The following LRP8 variants were observed in gnomAD, a reference collection of about 807,000 sequenced individuals.
The protein encoded by LRP8 is LDL receptor related protein 8.
In LRP8, 46 loss-of-function variants were observed where a neutral mutation model predicts 111.6. The ratio of observed to expected loss-of-function variants is 0.41; its 90% CI spans 0.33 to 0.53. The LOEUF is 0.53. Ranked by LOEUF, LRP8 falls within the 20% of genes least tolerant of loss-of-function variation. The probability of loss-of-function intolerance (pLI) is 0.20; values close to 1 mark genes in which losing one functional copy is unlikely to be tolerated. For missense variants in LRP8, 959 were observed against 1,297.4 expected, an observed-to-expected ratio of 0.74 and a Z score of 4.01; for synonymous variants, 464 against 511.2, an observed-to-expected ratio of 0.91 and a Z score of 1.24.
chr1:53,258,150 G>C (rs1646173211), intron 14 of LRP8, 169 bp downstream of exon 14: 1 of 541,422 alleles, frequency 1.8e-6, no homozygotes. Flanking sequence ...GATCCTGGGG[G>C]CATGAGCATT....
chr1:53,266,100 C>G lies in LRP8; in HGVS notation c.1427+373G>C, dbSNP rs11206128. Among the ~76,000 whole-genome samples, 54,335 of 151,960 alleles carry G rather than the reference C, an allele frequency of 0.36. 10,604 individuals carry two copies. The highest frequency in any genetic ancestry group is 0.63 in the East Asian group (3,242 of 5,158). ...GTGAGTGGGATCCTCTGGGCAGGGA[C>G]CAGGTCTAAGTCCCCAGGTTCCAAC... On this transcript the variant is annotated intron_variant, in intron 9 of 18. Transcript: ENST00000306052. The surrounding 1 kb of genome is among the most constrained non-coding windows in gnomAD (Gnocchi z 5.0).
rs1309572083 is a variant in LRP8 at position 53,327,997 on chromosome 1, C to T, written c.-85G>A. On this transcript the variant is annotated 5_prime_UTR_variant, in exon 1 of 19. Transcript: ENST00000306052. ...TCAGCCCTCCGAGTCCTTGCCGCGG[C>T]GCCGGGGTTGCCGCTGCCCCCGCCG... 1.9e-5 allele frequency: 17 copies of T among 882,148 alleles called. No homozygotes were observed. In the East Asian group the frequency reaches 1.2e-3, roughly 61 times the overall value. 54.6% of individuals were successfully genotyped at this position (882,148 alleles called of 1,614,324 possible). A position where few individuals can be genotyped will look rare whatever the true frequency, so the allele number is the denominator to read the frequency against.
intron 9 of LRP8, among the ~76,000 whole-genome samples, 191 bp from the exon 10 acceptor site, chr1:53,264,587 C>T (rs72895333): frequency 6.6e-6 from 1 of 152,178 alleles, no homozygotes; most frequent in Non-Finnish European, 1.5e-5. Context: ...GGGCCACGGT[C>T]TCTGGCTTTC....
chr1:53,247,758 T>A (rs970838024), intron 18 of LRP8, among the ~76,000 whole-genome samples: 1 of 152,254 alleles, frequency 6.6e-6, no homozygotes, highest in African/African-American at 2.4e-5. Flanking sequence ...CCTGATTCCA[T>A]CTCAGACTCA....
At chr1:53,251,863 G>A (rs1174812097) in intron 16 of LRP8, among the ~76,000 whole-genome samples, 1 of 151,640 alleles carries the variant, frequency 6.6e-6, no homozygotes, top group East Asian at 1.9e-4. Context: ...GGCCAACATG[G>A]CGAAAACCCA....
rs1322446071 is a variant in LRP8, at chr1:53,257,440, G to A, written c.2234C>T (p.Thr745Met). The change falls in exon 15 of 19, where the codon ACG becomes ATG. Residue 745 changes from threonine (T) to methionine (M), a missense_variant. By Grantham distance (81) the Thr-to-Met change is moderately conservative. Transcript: ENST00000306052. The part of the protein sequence containing the change: ...YRAPQSTSTT[T>M]LASTMTRTVP... ...TGTCCTCGTCATGGTAGAAGCTAAC[G>A]TCGTAGTTGAGGTAGATTGAGGTGC... The A allele has an allele frequency of 5.0e-6, 8 of 1,614,160 alleles. No individual in the cohort carries two copies. Among genetic ancestry groups the A allele is most frequent in the Admixed American group, 3.3e-5 (2 of 60,034 alleles).
intron 16 of LRP8, among the ~76,000 whole-genome samples, chr1:53,251,814 C>T (rs569568622): frequency 1.3e-4 from 19 of 151,978 alleles, no homozygotes; most frequent in Admixed American, 1.2e-3. Context: ...GAGGCTGAGG[C>T]AGGCAGATTA....
chr1:53,312,057 A>T (rs1046674878), intron 2 of LRP8, among the ~76,000 whole-genome samples: 1 of 152,336 alleles, frequency 6.6e-6, no homozygotes, highest in African/African-American at 2.4e-5. Context: ...AGTGAGGCCA[A>T]CATGGGACAC....
chr1:53,266,347 T>C lies in LRP8; in HGVS notation c.1427+126A>G. ...GTTCCATATCCACTGTGATCCTGCA[T>C]CTCTTCCCAAGTCCCAACTCTGTCC... On this transcript the variant is annotated intron_variant, in intron 9 of 18. Transcript: ENST00000306052. The surrounding 1 kb of genome is among the most constrained non-coding windows in gnomAD (Gnocchi z 5.0). 1 of 954,280 alleles carries C rather than the reference T, an allele frequency of 1.0e-6. No individual in the cohort carries two copies. Among genetic ancestry groups the C allele is most frequent in the Non-Finnish European group, 1.6e-6 (1 of 632,526 alleles). The allele number at this position is 954,280 out of a possible 1,614,324, so 59.1% of individuals were successfully genotyped here. A position where few individuals can be genotyped will look rare whatever the true frequency, so the allele number is the denominator to read the frequency against.
Position 53,250,609 on chromosome 1 carries a change from G to A in LRP8, c.2676+81C>T. On this transcript the variant is annotated intron_variant, in intron 17 of 18. Transcript: ENST00000306052. The surrounding 1 kb of genome is among the most constrained non-coding windows in gnomAD (Gnocchi z 4.6). ...GAAGGGAGGGAAGAAAGGATGGGAA[G>A]GAAGAAAGGATGGGAGGGGAAGAAA... 1 of 1,264,366 alleles carries A rather than the reference G, an allele frequency of 7.9e-7. No homozygotes were observed. Among genetic ancestry groups the A allele is most frequent in the Non-Finnish European group, 1.1e-6 (1 of 887,724 alleles). 78.3% of individuals were successfully genotyped at this position (1,264,366 alleles called of 1,614,324 possible).
chr1:53,263,910 A>C (rs1234050624), intron 10 of LRP8, among the ~76,000 whole-genome samples: 1 of 152,184 alleles, frequency 6.6e-6, no homozygotes, highest in African/African-American at 2.4e-5. Flanking sequence ...AGGAGCTTCT[A>C]TCAGGCCATC....
chr1:53,297,656 G>T (rs1329360872), intron 2 of LRP8, among the ~76,000 whole-genome samples: 1 of 152,222 alleles, frequency 6.6e-6, no homozygotes, highest in African/African-American at 2.4e-5. Flanking sequence ...TCGGAATGAA[G>T]AGGCTGCAGC....
chr1:53,323,574 G>A (rs754889906), intron 2 of LRP8, among the ~76,000 whole-genome samples: 1 of 152,260 alleles, frequency 6.6e-6, no homozygotes, highest in Non-Finnish European at 1.5e-5. Flanking sequence ...CCTTGGGCCT[G>A]GCTCTCTAGC....
At chr1:53,307,037 C>T (rs928012684) in intron 2 of LRP8, among the ~76,000 whole-genome samples, 1 of 152,172 alleles carries the variant, frequency 6.6e-6, no homozygotes, top group African/African-American at 2.4e-5. Flanking sequence ...AGGAAGAACA[C>T]AGGATGTGCA....
intron 9 of LRP8, among the ~76,000 whole-genome samples, chr1:53,265,988 G>T (rs1216918817): frequency 6.6e-6 from 1 of 152,220 alleles, no homozygotes; most frequent in Non-Finnish European, 1.5e-5. Context: ...TGCCATCCAG[G>T]AAGGCATGCC....
At position 53,262,214 on chromosome 1, in the gene LRP8, A is replaced by C; in HGVS notation, c.1775-7T>G. ...AAGCGCTGGCTCAGCAGATCTTGGG[A>C]AGGAAGCAGGATCAGGTCATGAACC... On this transcript the variant is annotated splice_polypyrimidine_tract_variant and splice_region_variant and intron_variant, in intron 11 of 18. Coordinates refer to ENST00000306052, the MANE Select transcript of LRP8 (RefSeq NM_004631.5). This position sits in a 1 kb window ranked among gnomAD's most constrained non-coding sequence, Gnocchi z 4.8. The C allele has an allele frequency of 6.2e-7, 1 of 1,612,976 alleles. No homozygotes were observed. Among genetic ancestry groups the C allele is most frequent in the Non-Finnish European group, 8.5e-7 (1 of 1,179,992 alleles).
At position 53,327,918 on chromosome 1, in the gene LRP8, G is replaced by T. The variant is rs1655400431; in HGVS notation, c.-6C>A. Reference sequence around the variant, plus strand: ...CCCGGCTCGGGGAGGCCCATGGCGGGCCCGGGGCTCCGGCCGCCGCGCCCC... The same window carrying T: ...CCCGGCTCGGGGAGGCCCATGGCGGTCCCGGGGCTCCGGCCGCCGCGCCCC... On this transcript the variant is annotated 5_prime_UTR_variant, in exon 1 of 19. Transcript: ENST00000306052. 9.7e-6 allele frequency: 12 copies of T among 1,242,408 alleles called. No homozygotes were observed. The highest frequency in any genetic ancestry group is 1.2e-5 in the Non-Finnish European group (12 of 995,030). 77.0% of individuals were successfully genotyped at this position (1,242,408 alleles called of 1,614,324 possible).
intron 2 of LRP8, among the ~76,000 whole-genome samples, chr1:53,323,983 C>T (rs1022171889): frequency 2.0e-5 from 3 of 152,214 alleles, no homozygotes; most frequent in Admixed American, 2.0e-4. Context: ...TGCATTCTGG[C>T]CCCTTTGGGA....
rs764136962 is a variant in LRP8 at position 53,249,420 on chromosome 1, G to A, written c.2813C>T (p.Pro938Leu). 1.1e-5 allele frequency: 17 copies of A among 1,614,190 alleles called. No individual in the cohort carries two copies. The highest frequency in any genetic ancestry group is 6.7e-5 in the East Asian group (3 of 44,878). ...AGGCAGCTCGGAAAGAGGGTTCTTC[G>A]GGAGTTGGTGCAGCTGTGACCTTGG... Reference protein sequence around the residue: ...GEPRSQLHQLPKNPLSELPVV... With the variant: ...GEPRSQLHQLLKNPLSELPVV... Residue 938 changes from proline (P) to leucine (L), a missense_variant, in exon 18 of 19, where the codon CCG (proline) becomes CTG (leucine). Around this residue, in one of 3 missense-constraint regions of LRP8, gnomAD observed 819 missense variants for 1,097.6 expected, o/e 0.75. Coordinates refer to ENST00000306052, the MANE Select transcript of LRP8 (RefSeq NM_004631.5). The surrounding 1 kb of genome is among the most constrained non-coding windows in gnomAD (Gnocchi z 4.1).
Sources: gnomAD v4.1 joint callset for allele counts (sites outside exome capture counted in the v4.1 genomes callset) on GRCh38, gnomAD v4.1.1 for gene constraint, gnomAD v4.1.1 regional missense constraint, Gnocchi (gnomAD v3.1) non-coding constraint, MANE v1.5 for transcripts, NCBI Gene and HGNC (gene_info 2026-07-23, HGNC 2026-07-21) for gene names.